Variants in PRR16 observed in about 807,000 individuals in gnomAD.
The protein encoded by PRR16 is proline rich 16.
PRR16 carries 6 observed loss-of-function variants against 18.2 expected under a neutral mutation model. The observed-to-expected ratio is 0.33, with a 90% CI of 0.18 to 0.65. The LOEUF is 0.65. Ranked by LOEUF, PRR16 falls within the 30% of genes least tolerant of loss-of-function variation. PRR16 has a pLI of 0.74. For synonymous variants in PRR16, 151 were observed against 147.8 expected, an observed-to-expected ratio of 1.02 and a Z score of -0.16; for missense variants, 412 against 376.6, an observed-to-expected ratio of 1.09 and a Z score of -0.78.
chr5:120,739,281 T>C, the PRR16 span, among the ~76,000 whole-genome samples: 3 of 152,184 alleles, frequency 2.0e-5, no homozygotes, highest in Non-Finnish European at 4.4e-5. Flanking sequence ...AAAAAATTTG[T>C]AATGCTGAAA....
At chr5:120,493,596 A>T (rs1179394025) in intron 1 of PRR16, among the ~76,000 whole-genome samples, 1 of 152,156 alleles carries the variant, frequency 6.6e-6, no homozygotes, top group African/African-American at 2.4e-5. Context: ...CATGATCAGA[A>T]TATTGACATT....
the PRR16 span, among the ~76,000 whole-genome samples, chr5:120,769,831 G>A: frequency 6.6e-6 from 1 of 151,818 alleles, no homozygotes; most frequent in Non-Finnish European, 1.5e-5. Flanking sequence ...TGCCAACAGT[G>A]TACAAAGGTT....
the PRR16 span, among the ~76,000 whole-genome samples, chr5:120,729,407 A>C: frequency 6.6e-6 from 1 of 152,130 alleles, no homozygotes; most frequent in Non-Finnish European, 1.5e-5. Context: ...TGAGAGTTAA[A>C]ATGAAGAGTT....
At chr5:120,695,869 C>A in the PRR16 span, among the ~76,000 whole-genome samples, 5 of 151,924 alleles carry the variant, frequency 3.3e-5, no homozygotes, top group Non-Finnish European at 5.9e-5. Context: ...TGTAGATTTT[C>A]ACCATTTATC....
the PRR16 span, among the ~76,000 whole-genome samples, chr5:120,754,613 T>C: frequency 1.4e-5 from 1 of 70,184 alleles, no homozygotes; most frequent in Non-Finnish European, 2.6e-5. Context: ...CGTTATATAT[T>C]ATTATATATT....
intron 1 of PRR16, among the ~76,000 whole-genome samples, chr5:120,526,759 G>A (rs747849629): frequency 6.6e-6 from 1 of 152,142 alleles, no homozygotes; most frequent in Admixed American, 6.6e-5. Context: ...ATTATTTGCT[G>A]TTTCCCAGCA....
chr5:120,521,386 T>C (rs913705441), intron 1 of PRR16, among the ~76,000 whole-genome samples: 8 of 152,210 alleles, frequency 5.3e-5, no homozygotes, highest in Non-Finnish European at 7.3e-5. Flanking sequence ...GTGGTTGTTA[T>C]TGTTATTTGG....
At chr5:120,485,700 C>T (rs1749774868) in intron 1 of PRR16, among the ~76,000 whole-genome samples, 1 of 151,984 alleles carries the variant, frequency 6.6e-6, no homozygotes, top group Admixed American at 6.6e-5. Context: ...GCACAACGTG[C>T]AGGTTAGTTA....
At chr5:120,659,418 A>G (rs572393896) in intron 1 of PRR16, among the ~76,000 whole-genome samples, 15 of 152,114 alleles carry the variant, frequency 9.9e-5, no homozygotes, top group Admixed American at 2.0e-4. Context: ...TTCAGAATGT[A>G]TAGACCTACC....
At chr5:120,527,589 C>G (rs2112661141) in intron 1 of PRR16, among the ~76,000 whole-genome samples, 1 of 152,304 alleles carries the variant, frequency 6.6e-6, no homozygotes, top group Middle Eastern at 3.4e-3. Context: ...GTAATAGTGT[C>G]TGAACATATT....
At chr5:120,480,682 A>G (rs547921427) in intron 1 of PRR16, among the ~76,000 whole-genome samples, 2 of 152,218 alleles carry the variant, frequency 1.3e-5, no homozygotes, top group Non-Finnish European at 2.9e-5. Context: ...AGTTAATGAA[A>G]AAACACTGGC....
chr5:120,600,534 CT>C (rs1753949102), intron 1 of PRR16, among the ~76,000 whole-genome samples: 1 of 151,912 alleles, frequency 6.6e-6, no homozygotes, highest in East Asian at 1.9e-4. Flanking sequence ...TGATATAGTT[CT>C]TTTTTTCCCA....
the PRR16 span, among the ~76,000 whole-genome samples, chr5:120,726,607 G>T: frequency 6.6e-6 from 1 of 152,018 alleles, no homozygotes; most frequent in Admixed American, 6.6e-5. Context: ...AGTTTAGTAT[G>T]TTTAATAGCT....
intron 1 of PRR16, among the ~76,000 whole-genome samples, chr5:120,600,118 G>A (rs913290884): frequency 6.6e-6 from 1 of 151,564 alleles, no homozygotes; most frequent in African/African-American, 2.4e-5. Flanking sequence ...TCCATTTCAG[G>A]GAAATGCTCT....
chr5:120,786,704 AT>A, the PRR16 span, among the ~76,000 whole-genome samples: 1 of 151,738 alleles, frequency 6.6e-6, no homozygotes. Context: ...GTTTAGAAAA[AT>A]TTTTTGTATT....
chr5:120,752,784 G>A, the PRR16 span, among the ~76,000 whole-genome samples: 2 of 151,714 alleles, frequency 1.3e-5, no homozygotes, highest in Non-Finnish European at 2.9e-5. Flanking sequence ...TACTCATTAC[G>A]AGATAGTTAT....
chr5:120,522,755 G>A (rs778535166), intron 1 of PRR16, among the ~76,000 whole-genome samples: 4 of 151,710 alleles, frequency 2.6e-5, no homozygotes, highest in South Asian at 2.1e-4. Flanking sequence ...ACAGGCGCCC[G>A]CCACCATGCG....
chr5:120,771,901 T>C, the PRR16 span, among the ~76,000 whole-genome samples: 2 of 152,026 alleles, frequency 1.3e-5, no homozygotes, highest in South Asian at 4.1e-4. Context: ...TTTTATGTTA[T>C]AAAAATATGC....
intron 1 of PRR16, among the ~76,000 whole-genome samples, chr5:120,568,475 A>G (rs1752804330): frequency 1.3e-5 from 2 of 152,120 alleles, no homozygotes; most frequent in Admixed American, 6.6e-5. Flanking sequence ...GTTGTCTGGG[A>G]AAAAAATGAC....
Sources: gnomAD v4.1 joint callset for allele counts (sites outside exome capture counted in the v4.1 genomes callset) on GRCh38, gnomAD v4.1.1 for gene constraint, MANE v1.5 for transcripts, NCBI Gene and HGNC (gene_info 2026-07-23, HGNC 2026-07-21) for gene names.